Variants in KCNK18 observed in about 807,000 individuals in gnomAD.
KCNK18 encodes potassium channel subfamily K member 18.
In KCNK18, 8 loss-of-function variants were observed where a neutral mutation model predicts 11.8. The ratio of observed to expected loss-of-function variants is 0.68; its 90% CI spans 0.40 to 1.22. The LOEUF is 1.22. Ranked by LOEUF, KCNK18 falls within the 50% of genes most tolerant of loss-of-function variation. KCNK18 has a pLI of 0.01. For synonymous variants in KCNK18, 208 were observed against 185.8 expected, an observed-to-expected ratio of 1.12 and a Z score of -0.97; for missense variants, 442 against 465.4, an observed-to-expected ratio of 0.95 and a Z score of 0.46.
rs745672093 is a variant in KCNK18 at position 117,209,496 on chromosome 10, G to A, written c.353-1G>A. On this transcript the variant is annotated splice_acceptor_variant, in intron 2 of 2. Transcript: ENST00000334549. LOFTEE classifies it high-confidence loss of function. ...ACTCTAAGCTCCATCTTCTTTTTCA[G>A]GCTATGGCTACATCTACCCCGTCAC... 6.2e-7 allele frequency: 1 copy of A among 1,613,812 alleles called. No homozygotes were observed. The highest frequency in any genetic ancestry group is 8.5e-7 in the Non-Finnish European group (1 of 1,179,770).
Position 117,198,404 on chromosome 10 carries a change from C to T in KCNK18, c.223+693C>T, listed in dbSNP as rs561119433. 3.3e-5 allele frequency among the ~76,000 whole-genome samples: 5 copies of T among 152,206 alleles called. No individual in the cohort carries two copies. The East Asian group carries it at 9.7e-4, about 30-fold the overall frequency. On this transcript the variant is annotated intron_variant, in intron 1 of 2. Coordinates refer to ENST00000334549, the MANE Select transcript of KCNK18 (RefSeq NM_181840.1). Reference sequence around the variant, plus strand: ...AGTCTGCGGGAGAGAAGGGGACCCCCAATCTCAGACTTGGTGGTCACAGGG... The same window carrying T: ...AGTCTGCGGGAGAGAAGGGGACCCCTAATCTCAGACTTGGTGGTCACAGGG...
chr10:117,197,531 G>A lies in KCNK18; in HGVS notation c.43G>A (p.Glu15Lys). ...CCCCCAGGCCAGGAGATGCTGCCCA[G>A]AGGCCCTGGGAAAGCTCTTCCCTGG... ...GHPQARRCCP[E>K]ALGKLFPGLC... The change falls in exon 1 of 3, where the codon GAG becomes AAG. Residue 15 changes from glutamate to lysine, a missense_variant. By Grantham distance (56) the Glu-to-Lys change is moderately conservative. Transcript: ENST00000334549. The A allele has an allele frequency of 6.2e-7, 1 of 1,614,028 alleles. No homozygotes were observed. Among genetic ancestry groups the A allele is most frequent in the Non-Finnish European group, 8.5e-7 (1 of 1,180,000 alleles).
chr10:117,198,431 C>T (rs1323450628), intron 1 of KCNK18, among the ~76,000 whole-genome samples: 1 of 152,052 alleles, frequency 6.6e-6, no homozygotes, highest in Non-Finnish European at 1.5e-5. Context: ...GTCACAGGGA[C>T]CCTGTGAGAA....
intron 1 of KCNK18, among the ~76,000 whole-genome samples, chr10:117,200,543 C>T (rs1471326791): frequency 1.3e-5 from 2 of 152,242 alleles, no homozygotes; most frequent in Non-Finnish European, 2.9e-5. Context: ...CGCGGTGGCT[C>T]ACGCCTATAA....
intron 2 of KCNK18, among the ~76,000 whole-genome samples, chr10:117,208,003 C>T (rs1412458187): frequency 6.6e-6 from 1 of 152,206 alleles, no homozygotes; most frequent in African/African-American, 2.4e-5. Context: ...TCTGCTCCTG[C>T]CCCTCTGTAG....
At position 117,197,598 on chromosome 10, in the gene KCNK18, G is replaced by A; in HGVS notation, c.110G>A (p.Gly37Asp). Residue 37 changes from glycine (G) to aspartate (D), a missense_variant, in exon 1 of 3, where the codon GGT becomes GAT. Physicochemically the swap from Gly to Asp is moderately conservative, Grantham distance 94. Transcript: ENST00000334549. Reference protein sequence around the residue: ...LCFLVTYALVGAVVFSAIEDG... With the variant: ...LCFLVTYALVDAVVFSAIEDG... ...TTTCTGGTGACCTACGCCCTGGTGG[G>A]TGCTGTGGTCTTCTCTGCCATTGAG... is the stretch of plus-strand genomic sequence containing the variant. The A allele has an allele frequency of 6.2e-7, 1 of 1,614,164 alleles. No individual in the cohort carries two copies. Among genetic ancestry groups the A allele is most frequent in the Non-Finnish European group, 8.5e-7 (1 of 1,179,970 alleles).
chr10:117,199,374 A>T (rs1433237464), intron 1 of KCNK18, among the ~76,000 whole-genome samples: 1 of 152,176 alleles, frequency 6.6e-6, no homozygotes, highest in East Asian at 1.9e-4. Context: ...ACAGCAGGGT[A>T]TGGGAACACA....
chr10:117,200,340 A>T (rs1412867328), intron 1 of KCNK18, among the ~76,000 whole-genome samples: 1 of 152,124 alleles, frequency 6.6e-6, no homozygotes, highest in East Asian at 1.9e-4. Context: ...AGCCCTCCAA[A>T]GTGTTGCAAT....
rs201850637 is a variant in KCNK18, at chr10:117,202,886, C to CTT, written c.352+1620_352+1621dup. Among the ~76,000 whole-genome samples, 88 of 122,954 alleles carry CTT rather than the reference C, an allele frequency of 7.2e-4. 1 individual carries two copies. Among genetic ancestry groups the CTT allele is most frequent in the African/African-American group, 8.2e-4 (24 of 29,268 alleles). The allele number at this position is 122,954 out of a possible 152,430, so 80.7% of individuals were successfully genotyped here. ...GTGGTTTCTCCCATTTGCCTGAATGCTTTTTTTTTTTTTTTTTTTTTTGAG... is the reference window on the plus strand; with the variant it reads ...GTGGTTTCTCCCATTTGCCTGAATGCTTTTTTTTTTTTTTTTTTTTTTTTGAG... On this transcript the variant is annotated intron_variant, in intron 2 of 2. Coordinates refer to ENST00000334549, the MANE Select transcript of KCNK18 (RefSeq NM_181840.1).
chr10:117,207,643 G>T (rs1273967314), intron 2 of KCNK18, among the ~76,000 whole-genome samples: 1 of 152,162 alleles, frequency 6.6e-6, no homozygotes, highest in Non-Finnish European at 1.5e-5. Flanking sequence ...GAGTGCTCTG[G>T]AATGGATGCA....
chr10:117,205,345 T>TA (rs766712703), intron 2 of KCNK18, among the ~76,000 whole-genome samples: 3 of 152,216 alleles, frequency 2.0e-5, no homozygotes, highest in Non-Finnish European at 4.4e-5. Flanking sequence ...TACATTCCCT[T>TA]TGTGGGGGTT....
chr10:117,209,898 T>A lies in KCNK18; in HGVS notation c.754T>A (p.Ser252Thr). 6.2e-7 allele frequency: 1 copy of A among 1,614,160 alleles called. No individual in the cohort carries two copies. The highest frequency in any genetic ancestry group is 8.5e-7 in the Non-Finnish European group (1 of 1,180,026). Residue 252 changes from serine (S) to threonine (T), a missense_variant, in exon 3 of 3, where the codon TCG becomes ACG. By Grantham distance (58) the Ser-to-Thr change is moderately conservative. Transcript: ENST00000334549. ...LPPQAMERSNSCPELVLGRLS... is the reference protein window; with the variant it reads ...LPPQAMERSNTCPELVLGRLS... ...CCCACAAGCCATGGAGAGGAGTAAC[T>A]CGTGTCCCGAACTGGTGTTGGGAAG... is the stretch of plus-strand genomic sequence containing the variant.
intron 2 of KCNK18, 97 bp downstream of exon 2, chr10:117,201,384 C>T (rs1855012789): frequency 1.6e-6 from 2 of 1,249,186 alleles, no homozygotes; most frequent in East Asian, 4.7e-5. Context: ...AGATGGCCCT[C>T]CTCTCCCTCT....
chr10:117,208,983 C>A (rs532757205), intron 2 of KCNK18, among the ~76,000 whole-genome samples: 1 of 152,130 alleles, frequency 6.6e-6, no homozygotes, highest in South Asian at 2.1e-4. Flanking sequence ...TCAGGTGACC[C>A]GCCCATCTTG....
At chr10:117,199,119 A>G (rs952833488) in intron 1 of KCNK18, among the ~76,000 whole-genome samples, 7 of 152,138 alleles carry the variant, frequency 4.6e-5, no homozygotes, top group Non-Finnish European at 1.0e-4. Flanking sequence ...GGAGTTTGAG[A>G]CTAGGCCTGG....
intron 1 of KCNK18, 56 bp downstream of exon 1, chr10:117,197,767 C>G (rs992232156): frequency 1.3e-6 from 2 of 1,499,152 alleles, no homozygotes; most frequent in African/African-American, 2.8e-5. Context: ...AGCAGTCCCC[C>G]AAGAGCAGAG....
At chr10:117,201,347 G>A in intron 2 of KCNK18, 60 bp downstream of exon 2, 2 of 1,590,878 alleles carry the variant, frequency 1.3e-6, no homozygotes, top group Non-Finnish European at 1.7e-6. Context: ...TTTCTGGGTG[G>A]CAAAGGACAC....
In KCNK18 at chr10:117,209,779, C is replaced by A. The variant is rs1488059654; in HGVS notation, c.635C>A (p.Pro212His). 9 of 1,614,186 alleles carry A rather than the reference C, an allele frequency of 5.6e-6. No homozygotes were observed. Among genetic ancestry groups the A allele is most frequent in the Non-Finnish European group, 7.6e-6 (9 of 1,180,044 alleles). Residue 212 changes from proline (P) to histidine (H), a missense_variant, in exon 3 of 3, where the codon CCC becomes CAC. Transcript: ENST00000334549. The stretch of plus-strand genomic sequence containing the variant: ...ATCAGTGCTGAAGAGCTTCCAGGCC[C>A]CAAACTTGGCACATGTCCTTCACGC... ...IIISAEELPG[P>H]KLGTCPSRPS... is the part of the protein sequence containing the mutation.
chr10:117,204,610 G>A (rs1251531828), intron 2 of KCNK18, among the ~76,000 whole-genome samples: 2 of 152,328 alleles, frequency 1.3e-5, no homozygotes, highest in East Asian at 3.9e-4. Context: ...TGATAGAAAT[G>A]CAAATTAATT....
Sources: allele counts gnomAD v4.1 joint callset (sites outside exome capture counted in the v4.1 genomes callset), GRCh38; gene constraint gnomAD v4.1.1; transcripts MANE v1.5; gene names NCBI Gene and HGNC (gene_info 2026-07-23, HGNC 2026-07-21).